Variants in PRKDC observed in about 807,000 individuals in gnomAD.
The protein encoded by PRKDC is DNA-dependent protein kinase catalytic subunit.
In PRKDC, 82 loss-of-function variants were observed where a neutral mutation model predicts 486.9. The ratio of observed to expected loss-of-function variants is 0.17; its 90% CI spans 0.14 to 0.20. The LOEUF is 0.20. PRKDC is among the 10% of genes least tolerant of loss of function. The pLI is 1.00. For missense variants in PRKDC, 4,504 were observed against 5,038.2 expected, an observed-to-expected ratio of 0.89 and a Z score of 3.21; for synonymous variants, 1,895 against 1,837.0, an observed-to-expected ratio of 1.03 and a Z score of -0.81.
intron 31 of PRKDC, 96 bp from the exon 32 acceptor site, chr8:47,890,576 G>A (rs1326752908): frequency 7.8e-6 from 7 of 893,028 alleles, no homozygotes; most frequent in Admixed American, 6.2e-5. Flanking sequence ...CATGGTATAC[G>A]TTCAGCAAAA....
rs761942278 is a variant in PRKDC, at chr8:47,831,770, C to A, written c.8265+44G>T. 1.6e-5 allele frequency: 25 copies of A among 1,589,724 alleles called. No homozygotes were observed. In the East Asian group the frequency reaches 5.6e-4, roughly 36 times the overall value. ...TGTTCACTTCGTCTGTATCCTGTGA[C>A]AGAAACTGCATCGTTCTGATCAAAT... On this transcript the variant is annotated intron_variant, in intron 60 of 85. Coordinates refer to ENST00000314191, the MANE Select transcript of PRKDC (RefSeq NM_006904.7).
In PRKDC at chr8:47,820,845, G is replaced by A. The variant is rs761669059; in HGVS notation, c.9210C>T (p.His3070=). The change falls in exon 66 of 86, where the codon CAC becomes CAT. Residue 3070 remains histidine (H), a synonymous_variant. Transcript: ENST00000314191. The part of the protein sequence containing the change: ...SLLTFIDKAM[H]GELQKAILEL... ...CTAGAATCGCCTTCTGGAGCTCCCCGTGCATAGCTTTGTCAATAAATGTCA... is the reference window on the plus strand; with the variant it reads ...CTAGAATCGCCTTCTGGAGCTCCCCATGCATAGCTTTGTCAATAAATGTCA... 1.3e-5 allele frequency: 21 copies of A among 1,612,926 alleles called. No homozygotes were observed. Among genetic ancestry groups the A allele is most frequent in the South Asian group, 1.1e-4 (10 of 90,994 alleles).
In PRKDC at chr8:47,789,020, T is replaced by C; in HGVS notation, c.10788A>G (p.Leu3596=). The change falls in exon 76 of 86, where the codon CTA becomes CTG. Residue 3596 remains leucine (L), a synonymous_variant. Coordinates refer to ENST00000314191, the MANE Select transcript of PRKDC (RefSeq NM_006904.7). ...TTTTTTTATTTACAGGGGTTTTTGC[T>C]AGTTCAGCTCTTACATCATTGCTCC... ...KDWSNDVRAE[L]AKTPVNKKNI... 1 of 1,613,440 alleles carries C rather than the reference T, an allele frequency of 6.2e-7. No individual in the cohort carries two copies. The highest frequency in any genetic ancestry group is 8.5e-7 in the Non-Finnish European group (1 of 1,179,718).
rs1180449843 is a variant in PRKDC, at chr8:47,897,696, G to C, written c.3465-402C>G. On this transcript the variant is annotated intron_variant, in intron 29 of 85. Coordinates refer to ENST00000314191, the MANE Select transcript of PRKDC (RefSeq NM_006904.7). ...TACCCCAGGGGTACACAGAAATTGA[G>C]GGTGGGGCCAGCCCAGCAATCTGTG... Among the ~76,000 whole-genome samples, 4 of 152,284 alleles carry C rather than the reference G, an allele frequency of 2.6e-5. No homozygotes were observed. The East Asian group carries it at 7.7e-4, about 29-fold the overall frequency.
intron 33 of PRKDC, 79 bp downstream of exon 33, chr8:47,888,935 G>A: frequency 7.2e-7 from 1 of 1,395,438 alleles, no homozygotes. Context: ...GGAAGCAGGA[G>A]CAGCTGCAGG....
Position 47,912,573 on chromosome 8 carries a change from C to T in PRKDC, c.2782-11G>A. 6.3e-7 allele frequency: 1 copy of T among 1,577,964 alleles called. No homozygotes were observed. Among genetic ancestry groups the T allele is most frequent in the Non-Finnish European group, 8.6e-7 (1 of 1,159,396 alleles). On this transcript the variant is annotated splice_polypyrimidine_tract_variant and intron_variant, in intron 24 of 85. Transcript: ENST00000314191. ...TTCACAGGCTGCAACCTAAAACAGA[C>T]CAGGAGGTCAGCAATGTTTAAGTTA... is the stretch of plus-strand genomic sequence containing the variant.
intron 52 of PRKDC, 34 bp from the exon 53 acceptor site, chr8:47,849,537 A>G (rs775427210): frequency 6.2e-7 from 1 of 1,605,786 alleles, no homozygotes; most frequent in South Asian, 1.1e-5. Flanking sequence ...AATACACAAA[A>G]GTGGAAATGT....
intron 7 of PRKDC, among the ~76,000 whole-genome samples, chr8:47,950,041 G>A (rs1036826264): frequency 6.6e-6 from 1 of 150,606 alleles, no homozygotes; most frequent in Non-Finnish European, 1.5e-5. Flanking sequence ...GGAGGCCGAG[G>A]CAGGTGGATC....
In PRKDC at chr8:47,831,718, A is replaced by G. The variant is rs572280790; in HGVS notation, c.8265+96T>C. 3.5e-5 allele frequency: 47 copies of G among 1,328,742 alleles called. 1 individual carries two copies. The South Asian group carries it at 5.3e-4, about 15-fold the overall frequency. 82.3% of individuals were successfully genotyped at this position (1,328,742 alleles called of 1,614,324 possible). On this transcript the variant is annotated intron_variant, in intron 60 of 85. Transcript: ENST00000314191. The stretch of plus-strand genomic sequence containing the variant: ...TCCCGCAACCTGGTTTGCAGGTGAC[A>G]TTGGAGGCAGTGTCTGGCAGGAAGC...
chr8:47,841,555 A>G (rs929878243), intron 54 of PRKDC, among the ~76,000 whole-genome samples: 6 of 152,222 alleles, frequency 3.9e-5, no homozygotes, highest in Admixed American at 2.6e-4. Context: ...AAGGGGACAG[A>G]GGACAAAGCT....
At chr8:47,860,777 G>A in intron 45 of PRKDC, 122 bp downstream of exon 45, 1 of 673,194 alleles carries the variant, frequency 1.5e-6, no homozygotes, top group Non-Finnish European at 2.4e-6. Flanking sequence ...AATGTTTTAG[G>A]GTACTTAAAG....
chr8:47,893,343 C>A lies in PRKDC; in HGVS notation c.3643G>T (p.Glu1215Ter). The change falls in exon 31 of 86, where the codon GAA becomes TAA. Residue 1215 changes from glutamate (E) to a stop codon, truncating the protein, a stop_gained. Transcript: ENST00000314191. LOFTEE classifies it high-confidence loss of function. ...GTGTTGATGAGAAAAGAGACACCTTCTTCCTTGAGAACATCTTTCAGCCAC... is the reference window on the plus strand; with the variant it reads ...GTGTTGATGAGAAAAGAGACACCTTATTCCTTGAGAACATCTTTCAGCCAC... ...NLWLKDVLKE[E>*]GVSFLINTFE... The A allele has an allele frequency of 1.9e-6, 3 of 1,567,916 alleles. No individual in the cohort carries two copies. The highest frequency in any genetic ancestry group is 1.8e-5 in the Admixed American group (1 of 55,534).
chr8:47,945,556 CCATGCTGCAG>C (rs1024209180), intron 7 of PRKDC, among the ~76,000 whole-genome samples: 32 of 152,186 alleles, frequency 2.1e-4, no homozygotes, highest in African/African-American at 5.8e-4. Context: ...CAAGGTTCAT[CCATGCTGCAG>C]CATGTGTCAG....
intron 78 of PRKDC, among the ~76,000 whole-genome samples, chr8:47,783,283 A>C (rs938461636): frequency 1.4e-5 from 2 of 147,258 alleles, no homozygotes; most frequent in African/African-American, 2.5e-5. Flanking sequence ...TGTCTCAAAA[A>C]AAAAAAAGAA....
At chr8:47,952,187 T>C (rs2090635585) in intron 7 of PRKDC, among the ~76,000 whole-genome samples, 1 of 152,160 alleles carries the variant, frequency 6.6e-6, no homozygotes, top group South Asian at 2.1e-4. Context: ...GCAATACTAC[T>C]GAGAATAACC....
chr8:47,803,283 G>A (rs1196895277), intron 70 of PRKDC, 23 bp downstream of exon 70: 1 of 1,586,130 alleles, frequency 6.3e-7, no homozygotes, highest in East Asian at 2.2e-5. Flanking sequence ...TAAGATATAA[G>A]TGGATAAAAG....
chr8:47,833,273 T>C (rs2087931365), intron 59 of PRKDC, among the ~76,000 whole-genome samples: 1 of 152,204 alleles, frequency 6.6e-6, no homozygotes, highest in Non-Finnish European at 1.5e-5. Flanking sequence ...TTTCAGTTCC[T>C]ACGATTAGAT....
chr8:47,832,371 C>T (rs150828598), intron 59 of PRKDC, among the ~76,000 whole-genome samples: 1 of 152,310 alleles, frequency 6.6e-6, no homozygotes, highest in Admixed American at 6.5e-5. Flanking sequence ...AGACACCAGC[C>T]TTAACCTCCA....
At position 47,930,146 on chromosome 8, in the gene PRKDC, T is replaced by C. The variant is rs2090226226; in HGVS notation, c.1893-134A>G. ...TGAGGTATCCTAAAATGTTTAGTTA[T>C]ATCTATAATCCATTTTTCTCTACCT... is the stretch of plus-strand genomic sequence containing the variant. On this transcript the variant is annotated intron_variant, in intron 17 of 85. Coordinates refer to ENST00000314191, the MANE Select transcript of PRKDC (RefSeq NM_006904.7). 1.7e-5 allele frequency: 12 copies of C among 722,904 alleles called. No homozygotes were observed. The South Asian group carries it at 2.5e-4, about 15-fold the overall frequency. The allele number at this position is 722,904 out of a possible 1,614,324, so 44.8% of individuals were successfully genotyped here.
Sources: gnomAD v4.1 joint callset for allele counts (sites outside exome capture counted in the v4.1 genomes callset) on GRCh38, gnomAD v4.1.1 for gene constraint, MANE v1.5 for transcripts, NCBI Gene and HGNC (gene_info 2026-07-23, HGNC 2026-07-21) for gene names.